CDH13: variants seen among roughly 807,000 people sequenced by gnomAD.
CDH13 encodes the protein cadherin-13.
A neutral mutation model predicts 63.8 loss-of-function variants in CDH13; 24 were observed. The ratio of observed to expected loss-of-function variants is 0.38; its 90% confidence interval spans 0.27 to 0.53. The LOEUF (loss-of-function observed/expected upper bound fraction) is 0.53, where lower values mean the gene tolerates loss of function less well. Among genes scored for constraint, CDH13 ranks in the 20% least tolerant of loss-of-function variants. CDH13 has a pLI of 0.85. For synonymous variants in CDH13, 503 were observed against 355.3 expected, an observed-to-expected ratio of 1.42 and a Z score of -4.67; for missense variants, 1,049 against 903.1, an observed-to-expected ratio of 1.16 and a Z score of -2.07.
At chr16:83,368,043 G>A (rs527740548) in intron 6 of CDH13, among the ~76,000 whole-genome samples, 1 of 152,194 alleles carries the variant, frequency 6.6e-6, no homozygotes, top group East Asian at 1.9e-4. Flanking sequence ...ATTGTAAATT[G>A]AATTATTTTC....
intron 4 of CDH13, among the ~76,000 whole-genome samples, chr16:83,133,016 C>T (rs2036127247): frequency 6.6e-6 from 1 of 152,158 alleles, no homozygotes; most frequent in African/African-American, 2.4e-5. Context: ...CTGCACTGTC[C>T]CATGGAACAT....
chr16:82,647,628 G>C (rs1055106602), intron 1 of CDH13, among the ~76,000 whole-genome samples: 1 of 151,984 alleles, frequency 6.6e-6, no homozygotes, highest in Non-Finnish European at 1.5e-5. Flanking sequence ...CACAAATCTG[G>C]TTGGCATTGA....
At chr16:83,540,125 A>C (rs58472050) in intron 7 of CDH13, among the ~76,000 whole-genome samples, 29,336 of 146,540 alleles carry the variant, frequency 0.2, 3,273 homozygotes, top group African/African-American at 0.32. Flanking sequence ...AGTTCAGTGG[A>C]TCCATCTAGG....
chr16:83,424,246 A>G (rs965170312), intron 6 of CDH13, among the ~76,000 whole-genome samples: 2 of 149,394 alleles, frequency 1.3e-5, no homozygotes, highest in Admixed American at 6.7e-5. Context: ...AGGAAAATCC[A>G]ACATGGACTG....
intron 10 of CDH13, among the ~76,000 whole-genome samples, chr16:83,713,532 T>C (rs1192503633): frequency 6.6e-6 from 1 of 152,066 alleles, no homozygotes; most frequent in Non-Finnish European, 1.5e-5. Flanking sequence ...AATTTCCTCT[T>C]CAAATTTGTA....
At chr16:82,853,273 T>C (rs971934874) in intron 1 of CDH13, among the ~76,000 whole-genome samples, 1 of 152,218 alleles carries the variant, frequency 6.6e-6, no homozygotes, top group Non-Finnish European at 1.5e-5. Context: ...TATGTCCCTG[T>C]ATGTAGTCTA....
chr16:83,362,769 G>A lies in CDH13; in HGVS notation c.781+17763G>A, dbSNP rs79066653. ...ATGCCTGCTTTTCCTCTATGATAAG[G>A]CACTTTTATACTTATTCGGCGGTCT... On this transcript the variant is annotated intron_variant, in intron 6 of 13. Coordinates refer to ENST00000567109, the MANE Select transcript of CDH13 (RefSeq NM_001257.5). Among the ~76,000 whole-genome samples the A allele has an allele frequency of 7.6e-3, 1,160 of 152,284 alleles. 17 individuals are homozygous for A. The highest frequency in any genetic ancestry group is 0.027 in the African/African-American group (1,105 of 41,554).
At chr16:82,661,037 T>C (rs748172968) in intron 1 of CDH13, among the ~76,000 whole-genome samples, 4 of 151,784 alleles carry the variant, frequency 2.6e-5, no homozygotes, top group African/African-American at 7.3e-5. Flanking sequence ...CACTTCAAAG[T>C]GGGTCAGGTC....
intron 1 of CDH13, among the ~76,000 whole-genome samples, chr16:82,726,867 C>A (rs1351693625): frequency 6.6e-6 from 1 of 152,172 alleles, no homozygotes; most frequent in Non-Finnish European, 1.5e-5. Flanking sequence ...CCCCATTTCC[C>A]AGATGAAAAC....
chr16:82,653,200 G>A (rs1407304090), intron 1 of CDH13, among the ~76,000 whole-genome samples: 1 of 152,152 alleles, frequency 6.6e-6, no homozygotes, highest in African/African-American at 2.4e-5. Flanking sequence ...GTGGTAGGGG[G>A]TGGGTGGATG....
chr16:83,003,632 G>C (rs1309932354), intron 2 of CDH13, among the ~76,000 whole-genome samples: 1 of 152,170 alleles, frequency 6.6e-6, no homozygotes, highest in East Asian at 1.9e-4. Flanking sequence ...TCATGTCCTG[G>C]AATGTTACAG....
At chr16:83,379,003 A>G (rs1345112861) in intron 6 of CDH13, among the ~76,000 whole-genome samples, 1 of 143,832 alleles carries the variant, frequency 7.0e-6, no homozygotes, top group Non-Finnish European at 1.6e-5. Context: ...ATATATATAT[A>G]TATACACACA....
At chr16:83,587,787 A>T (rs1906312121) in intron 7 of CDH13, among the ~76,000 whole-genome samples, 1 of 152,180 alleles carries the variant, frequency 6.6e-6, no homozygotes, top group Non-Finnish European at 1.5e-5. Flanking sequence ...ATAAATTGAA[A>T]CCCAAGGAAA....
chr16:82,769,586 C>G (rs1481384329), intron 1 of CDH13, among the ~76,000 whole-genome samples: 1 of 152,164 alleles, frequency 6.6e-6, no homozygotes, highest in Non-Finnish European at 1.5e-5. Flanking sequence ...TGATGCCACC[C>G]TACATATAAG....
intron 4 of CDH13, among the ~76,000 whole-genome samples, chr16:83,140,850 C>T (rs60982421): frequency 0.24 from 36,696 of 152,112 alleles, 4,536 homozygotes; most frequent in African/African-American, 0.28. Context: ...CTCCTGGGAA[C>T]GGACTGACCC....
chr16:83,089,676 A>C (rs970066740), intron 3 of CDH13, among the ~76,000 whole-genome samples: 1 of 151,984 alleles, frequency 6.6e-6, no homozygotes, highest in Non-Finnish European at 1.5e-5. Context: ...TGAGGGATGT[A>C]ATGAATTCGA....
chr16:82,680,324 G>C (rs551335142), intron 1 of CDH13, among the ~76,000 whole-genome samples: 1 of 152,260 alleles, frequency 6.6e-6, no homozygotes, highest in African/African-American at 2.4e-5. Context: ...ATCAAGAGTC[G>C]AGGCACCCTC....
chr16:83,379,623 A>G (rs572015553), intron 6 of CDH13, among the ~76,000 whole-genome samples: 2 of 152,134 alleles, frequency 1.3e-5, no homozygotes, highest in African/African-American at 4.8e-5. Context: ...GATACTATAT[A>G]TTTGCCAGGC....
intron 5 of CDH13, among the ~76,000 whole-genome samples, chr16:83,230,664 G>A (rs1026712664): frequency 5.3e-5 from 8 of 152,162 alleles, no homozygotes; most frequent in Non-Finnish European, 8.8e-5. Flanking sequence ...GCAAGCGCCT[G>A]TAGTCCCAGC....
Sources: allele counts gnomAD v4.1 joint callset (sites outside exome capture counted in the v4.1 genomes callset), GRCh38; gene constraint gnomAD v4.1.1; transcripts MANE v1.5; gene names NCBI Gene and HGNC (gene_info 2026-07-23, HGNC 2026-07-21).